Variants in RPS6KC1 observed in about 807,000 individuals in gnomAD.
RPS6KC1 encodes the protein ribosomal protein S6 kinase C1.
Under a neutral mutation model 103.8 loss-of-function variants are expected in RPS6KC1, and 54 were observed. The ratio of observed to expected loss-of-function variants is 0.52; its 90% CI spans 0.42 to 0.65. RPS6KC1 has a LOEUF of 0.65. Among genes scored for constraint, RPS6KC1 ranks in the 30% least tolerant of loss-of-function variants. The pLI is 0.00. For missense variants in RPS6KC1, 1,151 were observed against 1,253.8 expected (o/e 0.92, Z 1.24); for synonymous variants, 439 against 438.7 (o/e 1.00, Z -0.01).
chr1:213,113,186 A>G (rs1187041065), intron 4 of RPS6KC1, among the ~76,000 whole-genome samples: 2 of 151,738 alleles, frequency 1.3e-5, no homozygotes, highest in Non-Finnish European at 2.9e-5. Flanking sequence ...CCAACAGTGT[A>G]AAAGTGTTCC....
At chr1:213,364,781 G>A in the RPS6KC1 span, among the ~76,000 whole-genome samples, 15 of 152,028 alleles carry the variant, frequency 9.9e-5, no homozygotes, top group South Asian at 2.1e-4. Flanking sequence ...TGGTAAAACC[G>A]TGTCTCTACT....
chr1:213,795,924 G>A, the RPS6KC1 span, among the ~76,000 whole-genome samples: 2 of 152,154 alleles, frequency 1.3e-5, no homozygotes, highest in Non-Finnish European at 2.9e-5. Flanking sequence ...CATTGGCTGG[G>A]AGAGCCAGGC....
At chr1:213,440,863 A>G in the RPS6KC1 span, among the ~76,000 whole-genome samples, 1 of 152,194 alleles carries the variant, frequency 6.6e-6, no homozygotes. Context: ...TAAGCCTCAT[A>G]GCCATTGTGT....
chr1:213,649,621 C>T, the RPS6KC1 span, among the ~76,000 whole-genome samples: 1 of 152,126 alleles, frequency 6.6e-6, no homozygotes, highest in Non-Finnish European at 1.5e-5. Flanking sequence ...GAAATGGCCA[C>T]TCCTCCTTTG....
At chr1:213,840,281 C>A in the RPS6KC1 span, 5 of 152,144 alleles carry the variant, frequency 3.3e-5, no homozygotes, top group African/African-American at 1.2e-4. Flanking sequence ...TTCTTTACCA[C>A]TTATCAGTTT....
chr1:213,293,112 A>G, the RPS6KC1 span, among the ~76,000 whole-genome samples: 1 of 152,250 alleles, frequency 6.6e-6, no homozygotes, highest in Admixed American at 6.5e-5. Flanking sequence ...TACTATCTGA[A>G]TATGAATGGG....
At chr1:213,418,881 C>A in the RPS6KC1 span, among the ~76,000 whole-genome samples, 1 of 152,210 alleles carries the variant, frequency 6.6e-6, no homozygotes, top group Non-Finnish European at 1.5e-5. Context: ...TCAGCTCCCC[C>A]CAGCTGCAGG....
At chr1:213,800,837 G>A in the RPS6KC1 span, among the ~76,000 whole-genome samples, 17 of 152,132 alleles carry the variant, frequency 1.1e-4, no homozygotes, top group Middle Eastern at 3.4e-3. Flanking sequence ...CCTTTATTAC[G>A]TTTTTTATTT....
the RPS6KC1 span, among the ~76,000 whole-genome samples, chr1:213,496,227 A>G: frequency 6.6e-6 from 1 of 152,238 alleles, no homozygotes; most frequent in Non-Finnish European, 1.5e-5. Flanking sequence ...TGTCAGACCA[A>G]ATAGCACAAA....
chr1:213,440,402 A>G, the RPS6KC1 span, among the ~76,000 whole-genome samples: 1 of 152,126 alleles, frequency 6.6e-6, no homozygotes, highest in Admixed American at 6.5e-5. Context: ...CTAGTTTGAG[A>G]ACTTTGTAAC....
the RPS6KC1 span, among the ~76,000 whole-genome samples, chr1:213,712,923 C>T: frequency 1.1e-4 from 17 of 152,288 alleles, no homozygotes; most frequent in Admixed American, 2.6e-4. Context: ...GCATTGGTCT[C>T]GCTGGGAGCT....
chr1:213,586,941 T>G, the RPS6KC1 span, among the ~76,000 whole-genome samples: 1 of 152,204 alleles, frequency 6.6e-6, no homozygotes, highest in Non-Finnish European at 1.5e-5. Context: ...AGCTTTCTTG[T>G]TCTCGTTAGC....
chr1:213,399,786 G>C, the RPS6KC1 span, among the ~76,000 whole-genome samples: 2 of 152,146 alleles, frequency 1.3e-5, no homozygotes, highest in Non-Finnish European at 2.9e-5. Context: ...GGGAAGAAGG[G>C]AGCTGGGGCG....
At chr1:213,632,976 A>T in the RPS6KC1 span, among the ~76,000 whole-genome samples, 4 of 152,236 alleles carry the variant, frequency 2.6e-5, no homozygotes, top group Non-Finnish European at 4.4e-5. Context: ...AATTAAATAA[A>T]GTGAGGAGAG....
intron 9 of RPS6KC1, among the ~76,000 whole-genome samples, chr1:213,230,980 C>A (rs2094090584): frequency 6.6e-6 from 1 of 151,298 alleles, no homozygotes; most frequent in South Asian, 2.1e-4. Context: ...ATATATCCCC[C>A]CCCTAGGTTT....
At chr1:213,807,302 A>G in the RPS6KC1 span, among the ~76,000 whole-genome samples, 1 of 152,032 alleles carries the variant, frequency 6.6e-6, no homozygotes, top group African/African-American at 2.4e-5. Context: ...CGTTCTCTGT[A>G]TTTCCTGAAT....
chr1:213,659,521 C>G, the RPS6KC1 span, among the ~76,000 whole-genome samples: 1 of 152,156 alleles, frequency 6.6e-6, no homozygotes, highest in African/African-American at 2.4e-5. Context: ...AAATGGTCAT[C>G]ATCACGTACA....
At chr1:213,622,040 T>A in the RPS6KC1 span, among the ~76,000 whole-genome samples, 1 of 152,088 alleles carries the variant, frequency 6.6e-6, no homozygotes, top group Non-Finnish European at 1.5e-5. Context: ...TCCCCAACTC[T>A]CTCACCTCCT....
intron 5 of RPS6KC1, among the ~76,000 whole-genome samples, chr1:213,127,860 A>G (rs949143877): frequency 6.6e-6 from 1 of 152,206 alleles, no homozygotes; most frequent in Non-Finnish European, 1.5e-5. Flanking sequence ...TTTATAACTA[A>G]GGGAACCAGT....
Sources: gnomAD v4.1 joint callset for allele counts (sites outside exome capture counted in the v4.1 genomes callset) on GRCh38, gnomAD v4.1.1 for gene constraint, MANE v1.5 for transcripts, NCBI Gene and HGNC (gene_info 2026-07-23, HGNC 2026-07-21) for gene names.